The following PDE4D variants were observed in gnomAD, a reference collection of about 807,000 sequenced individuals.
PDE4D encodes the protein 3',5'-cyclic-AMP phosphodiesterase 4D.
In PDE4D, 24 loss-of-function variants were observed where a neutral mutation model predicts 87.4. The ratio of observed to expected loss-of-function variants is 0.27; its 90% CI spans 0.20 to 0.39. The LOEUF is 0.39. Ranked by LOEUF, PDE4D falls within the 10% of genes least tolerant of loss-of-function variation. The probability of loss-of-function intolerance (pLI) is 1.00; values close to 1 mark genes in which losing one functional copy is unlikely to be tolerated. For synonymous variants in PDE4D, 384 were observed against 383.2 expected (o/e 1.00, Z -0.02); for missense variants, 714 against 1,041.0 (o/e 0.69, Z 4.32).
chr5:60,369,330 CCA>C (rs1760816675), intron 1 of PDE4D, among the ~76,000 whole-genome samples: 1 of 152,094 alleles, frequency 6.6e-6, no homozygotes, highest in South Asian at 2.1e-4. Context: ...AGGGAAACCG[CCA>C]CCAGAACAAG....
At chr5:60,071,556 T>C (rs894393749) in intron 2 of PDE4D, among the ~76,000 whole-genome samples, 1 of 152,152 alleles carries the variant, frequency 6.6e-6, no homozygotes, top group African/African-American at 2.4e-5. Context: ...AAAATCTTTT[T>C]CCATTGGCCA....
At chr5:59,140,598 G>GC in intron 5 of PDE4D, among the ~76,000 whole-genome samples, 1 of 152,240 alleles carries the variant, frequency 6.6e-6, no homozygotes, top group Non-Finnish European at 1.5e-5. Context: ...CTTATAGTGA[G>GC]CTCTAGTAAA....
chr5:59,152,846 G>A (rs1779649968), intron 5 of PDE4D, among the ~76,000 whole-genome samples: 1 of 152,088 alleles, frequency 6.6e-6, no homozygotes, highest in Non-Finnish European at 1.5e-5. Context: ...CTGGTGTTGA[G>A]TGCTGAGGCA....
upstream of PDE4D, among the ~76,000 whole-genome samples, chr5:60,492,867 T>C (rs567955621): frequency 3.8e-4 from 57 of 149,562 alleles, no homozygotes; most frequent in African/African-American, 1.4e-3. Context: ...ATTGTGCACA[T>C]GTACCCTAGT....
At chr5:59,709,430 T>A (rs1439250877) in intron 1 of PDE4D, among the ~76,000 whole-genome samples, 1 of 152,126 alleles carries the variant, frequency 6.6e-6, no homozygotes, top group Non-Finnish European at 1.5e-5. Context: ...CAAGGAAGAA[T>A]ATGAATTTGA....
chr5:59,127,847 G>T (rs1171212810), intron 5 of PDE4D, among the ~76,000 whole-genome samples: 1 of 151,902 alleles, frequency 6.6e-6, no homozygotes, highest in Non-Finnish European at 1.5e-5. Context: ...AAACGCAAAG[G>T]ACTCCCCGTT....
chr5:59,362,346 C>T (rs543179932), intron 1 of PDE4D, among the ~76,000 whole-genome samples: 1 of 152,226 alleles, frequency 6.6e-6, no homozygotes, highest in Non-Finnish European at 1.5e-5. Flanking sequence ...GAATATCAGT[C>T]CTCAGTTTTG....
At chr5:59,965,801 G>A (rs1759977214) in intron 3 of PDE4D, among the ~76,000 whole-genome samples, 1 of 152,130 alleles carries the variant, frequency 6.6e-6, no homozygotes, top group South Asian at 2.1e-4. Context: ...ATTAAACATT[G>A]TTGACTCTGC....
At chr5:60,473,700 G>T (rs368033276) in intron 1 of PDE4D, among the ~76,000 whole-genome samples, 4 of 151,904 alleles carry the variant, frequency 2.6e-5, no homozygotes, top group African/African-American at 9.7e-5. Context: ...AGTGTCAATG[G>T]CTCCCCATGC....
At chr5:59,917,099 C>T (rs567461716) in intron 3 of PDE4D, among the ~76,000 whole-genome samples, 14 of 151,620 alleles carry the variant, frequency 9.2e-5, no homozygotes, top group Admixed American at 8.5e-4. Flanking sequence ...CCACCATGCC[C>T]GGCCATCCTT....
intron 1 of PDE4D, among the ~76,000 whole-genome samples, chr5:59,840,614 G>A (rs1742844846): frequency 6.6e-6 from 1 of 152,006 alleles, no homozygotes; most frequent in Non-Finnish European, 1.5e-5. Context: ...CCTGGAAAAA[G>A]GGAGATTTAG....
At chr5:60,170,184 G>T (rs1475098598) in intron 2 of PDE4D, among the ~76,000 whole-genome samples, 2 of 151,994 alleles carry the variant, frequency 1.3e-5, no homozygotes, top group African/African-American at 4.8e-5. Context: ...CATATGGATG[G>T]ATAAAATGGT....
In PDE4D at chr5:60,060,984, G is replaced by A. The variant is rs1392605204; in HGVS notation, c.43-72267C>T. 3.9e-5 allele frequency among the ~76,000 whole-genome samples: 6 copies of A among 152,064 alleles called. No individual in the cohort carries two copies. In the East Asian group the frequency reaches 1.2e-3, roughly 29 times the overall value. On this transcript the variant is annotated intron_variant, in intron 2 of 16. Coordinates refer to the PDE4D transcript ENST00000502484. The stretch of plus-strand genomic sequence containing the variant: ...CCCACAGCCAATATCATACTGAATG[G>A]CCAAAAGCGAGAAGCATTCCCTTTG...
chr5:60,082,653 T>C (rs1273529608), intron 2 of PDE4D, among the ~76,000 whole-genome samples: 1 of 152,162 alleles, frequency 6.6e-6, no homozygotes, highest in African/African-American at 2.4e-5. Flanking sequence ...CTAGATCTAG[T>C]AGCAGGGCCC....
chr5:59,974,578 G>T (rs1427836719), intron 3 of PDE4D, among the ~76,000 whole-genome samples: 1 of 152,100 alleles, frequency 6.6e-6, no homozygotes, highest in Admixed American at 6.6e-5. Context: ...TACTTACTGG[G>T]ACTAGGACAA....
chr5:59,721,355 A>C (rs1210702774), intron 1 of PDE4D, among the ~76,000 whole-genome samples: 2 of 152,192 alleles, frequency 1.3e-5, no homozygotes, highest in African/African-American at 4.8e-5. Flanking sequence ...ACAGACACAA[A>C]GTAAAATTGG....
At chr5:60,125,493 T>C (rs1265780342) in intron 2 of PDE4D, among the ~76,000 whole-genome samples, 2 of 152,084 alleles carry the variant, frequency 1.3e-5, no homozygotes, top group Non-Finnish European at 2.9e-5. Context: ...TCCCCTTTAT[T>C]GGGCAGGTAC....
intron 5 of PDE4D, among the ~76,000 whole-genome samples, chr5:59,072,536 AG>A (rs759229193): frequency 4.6e-4 from 70 of 152,328 alleles, no homozygotes; most frequent in Admixed American, 7.2e-4. Flanking sequence ...TACATTCATC[AG>A]GAAGTATACC....
chr5:60,185,937 A>G (rs1436995655), intron 1 of PDE4D, among the ~76,000 whole-genome samples: 4 of 27,354 alleles, frequency 1.5e-4, no homozygotes, highest in South Asian at 9.2e-4. Context: ...TTAGTGGCTG[A>G]AAAAAAAAAA....
Sources: gnomAD v4.1 joint callset for allele counts (sites outside exome capture counted in the v4.1 genomes callset) on GRCh38, gnomAD v4.1.1 for gene constraint, MANE v1.5 for transcripts, NCBI Gene and HGNC (gene_info 2026-07-23, HGNC 2026-07-21) for gene names.